ERG: variants seen among roughly 807,000 people sequenced by gnomAD.
ERG encodes transcriptional regulator ERG.
A neutral mutation model predicts 55.3 loss-of-function variants in ERG; 9 were observed. The observed-to-expected ratio is 0.16, with a 90% CI of 0.10 to 0.28. ERG has a LOEUF of 0.28. ERG is among the 10% of genes least tolerant of loss of function. The pLI is 1.00. For synonymous variants in ERG, 223 were observed against 237.3 expected (o/e 0.94, Z 0.55); for missense variants, 434 against 631.6 (o/e 0.69, Z 3.35).
intron 1 of ERG, among the ~76,000 whole-genome samples, chr21:38,453,813 G>C (rs567677452): frequency 2.0e-5 from 3 of 151,734 alleles, no homozygotes; most frequent in East Asian, 1.9e-4. Context: ...GAACCCGGGA[G>C]GGGGAGGCTG....
At chr21:38,542,217 T>A (rs1486598023) in intron 2 of ERG, among the ~76,000 whole-genome samples, 1 of 152,146 alleles carries the variant, frequency 6.6e-6, no homozygotes. Flanking sequence ...CTCGAACTCC[T>A]GACCTCGTGA....
chr21:38,489,634 C>T (rs1261304513), intron 1 of ERG, among the ~76,000 whole-genome samples: 1 of 152,256 alleles, frequency 6.6e-6, no homozygotes, highest in African/African-American at 2.4e-5. Context: ...GGAGTTCACA[C>T]AAGACAAAGT....
chr21:38,564,652 G>A (rs539553429), intron 2 of ERG, among the ~76,000 whole-genome samples: 1 of 151,466 alleles, frequency 6.6e-6, no homozygotes, highest in Admixed American at 6.6e-5. Flanking sequence ...CTCATATGAA[G>A]GTCACAATGA....
chr21:38,445,682 G>C (rs779002656), intron 1 of ERG, 61 bp from the exon 2 acceptor site: 16 of 1,444,492 alleles, frequency 1.1e-5, no homozygotes, highest in Non-Finnish European at 1.5e-5. Context: ...GTTTCAAAAA[G>C]TTGTTGATTT....
rs1988626301 is a variant in ERG, at chr21:38,403,718, G to A, written c.389-9C>T. On this transcript the variant is annotated splice_polypyrimidine_tract_variant and intron_variant, in intron 3 of 9. Transcript: ENST00000288319. The stretch of plus-strand genomic sequence containing the variant: ...ACTCCATAGCGTAGGATCTGAAAGG[G>A]GTGGGAACACATTCAGTCAATTCCT... 1.2e-6 allele frequency: 2 copies of A among 1,613,372 alleles called. No individual in the cohort carries two copies. Among genetic ancestry groups the A allele is most frequent in the Non-Finnish European group, 8.5e-7 (1 of 1,179,490 alleles).
chr21:38,561,496 T>G (rs2059892646), intron 2 of ERG, among the ~76,000 whole-genome samples: 1 of 151,976 alleles, frequency 6.6e-6, no homozygotes, highest in Non-Finnish European at 1.5e-5. Context: ...AGTAAATATT[T>G]GAACTGGGGG....
intron 2 of ERG, among the ~76,000 whole-genome samples, chr21:38,543,364 T>TTA (rs1555856204): frequency 0.027 from 4,070 of 149,018 alleles, 177 homozygotes; most frequent in African/African-American, 0.093. Context: ...TGTTTTTTTT[T>TTA]AAAAAAAAAG....
intron 2 of ERG, among the ~76,000 whole-genome samples, chr21:38,537,468 C>T (rs924910813): frequency 1.3e-5 from 2 of 151,396 alleles, no homozygotes; most frequent in Non-Finnish European, 2.9e-5. Context: ...ATATAACCTA[C>T]AACTCAACAA....
intron 1 of ERG, among the ~76,000 whole-genome samples, chr21:38,474,678 G>GT (rs766975551): frequency 6.6e-6 from 1 of 152,176 alleles, no homozygotes. Flanking sequence ...ATGGAAGGTG[G>GT]TGACTATATA....
At chr21:38,450,928 C>T (rs144666819) in intron 1 of ERG, 26 of 455,126 alleles carry the variant, frequency 5.7e-5, no homozygotes, top group South Asian at 1.1e-4. Context: ...TCAGAAAGTG[C>T]GATTAGAGAA....
At chr21:38,501,448 T>C (rs1485897124), upstream of ERG, among the ~76,000 whole-genome samples, 1 of 152,102 alleles carries the variant, frequency 6.6e-6, no homozygotes, top group Non-Finnish European at 1.5e-5. Context: ...TCTGAAGATA[T>C]AGATATCACT....
At chr21:38,390,721 A>G (rs745437421) in intron 9 of ERG, among the ~76,000 whole-genome samples, 1 of 152,188 alleles carries the variant, frequency 6.6e-6, no homozygotes, top group Non-Finnish European at 1.5e-5. Flanking sequence ...CGAGACAATA[A>G]ACTGTTGTTG....
At chr21:38,429,996 C>A (rs1990132605) in intron 2 of ERG, among the ~76,000 whole-genome samples, 1 of 152,156 alleles carries the variant, frequency 6.6e-6, no homozygotes, top group South Asian at 2.1e-4. Flanking sequence ...AGTTTCCATG[C>A]TGTTTTCCAT....
At chr21:38,656,261 C>T (rs771339145) in intron 1 of ERG, among the ~76,000 whole-genome samples, 3 of 152,120 alleles carry the variant, frequency 2.0e-5, no homozygotes, top group Non-Finnish European at 4.4e-5. Flanking sequence ...ATTGGGCCAT[C>T]GAGACATCAA....
chr21:38,440,368 C>G (rs1174283331), intron 2 of ERG, among the ~76,000 whole-genome samples: 1 of 152,194 alleles, frequency 6.6e-6, no homozygotes, highest in Admixed American at 6.5e-5. Context: ...ATCTGTGAGC[C>G]CCTCCGTGGC....
chr21:38,505,874 G>A (rs2146710093), intron 2 of ERG, among the ~76,000 whole-genome samples: 1 of 152,238 alleles, frequency 6.6e-6, no homozygotes, highest in Non-Finnish European at 1.5e-5. Flanking sequence ...ACTAGAGGGT[G>A]CTAAATGCCC....
At chr21:38,456,056 G>A (rs933906298) in intron 1 of ERG, among the ~76,000 whole-genome samples, 1 of 152,146 alleles carries the variant, frequency 6.6e-6, no homozygotes, top group African/African-American at 2.4e-5. Flanking sequence ...GTCTACTGAT[G>A]TTTTCTAAGA....
chr21:38,557,426 C>T (rs1568910891), intron 2 of ERG, among the ~76,000 whole-genome samples: 1 of 152,128 alleles, frequency 6.6e-6, no homozygotes, highest in Admixed American at 6.5e-5. Flanking sequence ...TTCACTCAGA[C>T]AGTGCTTCTC....
At chr21:38,511,681 A>T (rs574660970) in intron 2 of ERG, among the ~76,000 whole-genome samples, 14 of 152,364 alleles carry the variant, frequency 9.2e-5, no homozygotes, top group African/African-American at 3.1e-4. Context: ...GTTAAAATTA[A>T]CACAAATTGG....
Sources: gnomAD v4.1 joint callset for allele counts (sites outside exome capture counted in the v4.1 genomes callset) on GRCh38, gnomAD v4.1.1 for gene constraint, MANE v1.5 for transcripts, NCBI Gene and HGNC (gene_info 2026-07-23, HGNC 2026-07-21) for gene names.